NDST1: variants seen among roughly 807,000 people sequenced by gnomAD.
NDST1 encodes bifunctional heparan sulfate N-deacetylase/N-sulfotransferase 1.
Under a neutral mutation model 92.8 loss-of-function variants are expected in NDST1, and 35 were observed. The observed-to-expected ratio is 0.38, with a 90% confidence interval of 0.29 to 0.50. NDST1 has a LOEUF of 0.50. Ranked by LOEUF, NDST1 falls within the 20% of genes least tolerant of loss-of-function variation. The probability of loss-of-function intolerance (pLI) is 0.94; values close to 1 mark genes in which losing one functional copy is unlikely to be tolerated. For missense variants in NDST1, 822 were observed against 1,182.7 expected (o/e 0.69, Z 4.47); for synonymous variants, 493 against 500.3 (o/e 0.99, Z 0.19).
chr5:150,534,224 G>T (rs1255411724), intron 4 of NDST1, among the ~76,000 whole-genome samples: 1 of 152,028 alleles, frequency 6.6e-6, no homozygotes, highest in Non-Finnish European at 1.5e-5. Flanking sequence ...AGCCTCCCAA[G>T]TAGCAGGTAC....
chr5:150,525,375 C>T (rs923789598), intron 2 of NDST1, among the ~76,000 whole-genome samples: 12 of 152,210 alleles, frequency 7.9e-5, no homozygotes, highest in African/African-American at 2.9e-4. Context: ...CCTCAGCACC[C>T]GCGGTCCAGT....
At chr5:150,550,107 T>C (rs1321278006) in intron 13 of NDST1, among the ~76,000 whole-genome samples, 1 of 67,594 alleles carries the variant, frequency 1.5e-5, no homozygotes, top group African/African-American at 1.2e-4. Flanking sequence ...AGCATTAGCT[T>C]TTTTTTTTTT....
intron 12 of NDST1, among the ~76,000 whole-genome samples, chr5:150,548,684 G>A (rs1278642734): frequency 2.0e-5 from 3 of 152,034 alleles, no homozygotes; most frequent in Non-Finnish European, 4.4e-5. Flanking sequence ...CTACAGGTGT[G>A]AGCCACTGTA....
chr5:150,533,485 G>T (rs1392157120), intron 4 of NDST1, among the ~76,000 whole-genome samples: 3 of 152,202 alleles, frequency 2.0e-5, no homozygotes, highest in Non-Finnish European at 2.9e-5. Flanking sequence ...AGGGTTGAGG[G>T]TGAGGGCTAT....
intron 13 of NDST1, 42 bp from the exon 14 acceptor site, chr5:150,551,711 G>A (rs1227670410): frequency 1.2e-6 from 2 of 1,606,330 alleles, no homozygotes; most frequent in Non-Finnish European, 1.7e-6. Context: ...GGAAGTGGGT[G>A]GCTGAGCCAG....
intron 2 of NDST1, among the ~76,000 whole-genome samples, chr5:150,523,411 C>T (rs1754327416): frequency 6.6e-6 from 1 of 152,238 alleles, no homozygotes; most frequent in Non-Finnish European, 1.5e-5. Flanking sequence ...CAGTGCCATG[C>T]ACCGTCTACA....
chr5:150,503,945 G>A (rs1162677814), upstream of NDST1, among the ~76,000 whole-genome samples: 1 of 152,186 alleles, frequency 6.6e-6, no homozygotes, highest in Non-Finnish European at 1.5e-5. Flanking sequence ...GTAGGGCTCT[G>A]GACAGGGCTG....
At chr5:150,517,319 T>G (rs1182954385) in intron 1 of NDST1, among the ~76,000 whole-genome samples, 3 of 142,980 alleles carry the variant, frequency 2.1e-5, no homozygotes, top group East Asian at 4.1e-4. Context: ...TTTTTTTTTT[T>G]GTAGAGATGG....
chr5:150,551,240 CA>C (rs1755711649), intron 13 of NDST1, among the ~76,000 whole-genome samples: 1 of 151,992 alleles, frequency 6.6e-6, no homozygotes, highest in Non-Finnish European at 1.5e-5. Flanking sequence ...AAGTTTACTC[CA>C]AAAAATGAAA....
upstream of NDST1, among the ~76,000 whole-genome samples, chr5:150,506,541 CT>C (rs913905647): frequency 1.8e-4 from 28 of 152,252 alleles, no homozygotes; most frequent in African/African-American, 6.0e-4. Flanking sequence ...CTGCGAGGTA[CT>C]TTTTAGAGTC....
intron 1 of NDST1, among the ~76,000 whole-genome samples, chr5:150,502,616 G>A (rs763006282): frequency 6.6e-6 from 1 of 152,144 alleles, no homozygotes; most frequent in Admixed American, 6.5e-5. Flanking sequence ...AATGCTAGGA[G>A]TCTGTTCTGT....
At chr5:150,533,686 A>C (rs1754849378) in intron 4 of NDST1, among the ~76,000 whole-genome samples, 1 of 152,234 alleles carries the variant, frequency 6.6e-6, no homozygotes, top group Non-Finnish European at 1.5e-5. Context: ...CCATTTATTC[A>C]ATAATTCAGC....
intron 1 of NDST1, among the ~76,000 whole-genome samples, 152 bp downstream of exon 1, chr5:150,508,378 G>A (rs1408790125): frequency 6.6e-6 from 1 of 151,758 alleles, no homozygotes; most frequent in Non-Finnish European, 1.5e-5. Context: ...GGGGGTACAG[G>A]CTGGCACTTG....
chr5:150,542,495 A>G (rs1274457076), intron 9 of NDST1, among the ~76,000 whole-genome samples: 1 of 152,208 alleles, frequency 6.6e-6, no homozygotes, highest in African/African-American at 2.4e-5. Flanking sequence ...CAGAGCTGGA[A>G]AGGACCAGCT....
At chr5:150,539,185 T>G in intron 6 of NDST1, 43 bp from the exon 7 acceptor site, 5 of 1,519,712 alleles carry the variant, frequency 3.3e-6, no homozygotes. Context: ...ACCACCCTCA[T>G]GCCAGAAGGC....
At chr5:150,536,002 T>A in intron 6 of NDST1, 117 bp downstream of exon 6, 1 of 1,253,542 alleles carries the variant, frequency 8.0e-7, no homozygotes, top group Admixed American at 2.0e-5. Flanking sequence ...GGGTTGCAGA[T>A]CAGCTTCTGC....
In NDST1 at chr5:150,545,466, C is replaced by T. The variant is rs1007466823; in HGVS notation, c.2125C>T (p.Arg709Trp). 5 of 1,614,118 alleles carry T rather than the reference C, an allele frequency of 3.1e-6. No homozygotes were observed. Among genetic ancestry groups the T allele is most frequent in the African/African-American group, 2.7e-5 (2 of 74,942 alleles). Residue 709 changes from arginine (R) to tryptophan (W), a missense_variant, in exon 11 of 15, where the codon CGG (arginine) becomes TGG (tryptophan). Arg to Trp is a moderately radical substitution (Grantham distance 101, BLOSUM62 -3). Transcript: ENST00000261797. The stretch of plus-strand genomic sequence containing the variant: ...GACCATCCTCATCAACCCCGCGGAC[C>T]GGGCCTATTCCTGGTACCAGGTGAG... ...VLTILINPADRAYSWYQHQRA... is the reference protein window; with the variant it reads ...VLTILINPADWAYSWYQHQRA...
At chr5:150,530,586 T>TA (rs1316412214) in intron 3 of NDST1, among the ~76,000 whole-genome samples, 1 of 144,134 alleles carries the variant, frequency 6.9e-6, no homozygotes, top group African/African-American at 2.7e-5. Flanking sequence ...TTTTTTGAGA[T>TA]AGAGTCTTAC....
chr5:150,508,386 T>C (rs58732687), intron 1 of NDST1, among the ~76,000 whole-genome samples, 160 bp downstream of exon 1: 2,852 of 151,848 alleles, frequency 0.019, 91 homozygotes, highest in African/African-American at 0.065. Flanking sequence ...AGGCTGGCAC[T>C]TGAGCCTGGC....
Sources: allele counts gnomAD v4.1 joint callset (sites outside exome capture counted in the v4.1 genomes callset), GRCh38; gene constraint gnomAD v4.1.1; transcripts MANE v1.5; gene names NCBI Gene and HGNC (gene_info 2026-07-23, HGNC 2026-07-21).